POLQ: variants seen among roughly 807,000 people sequenced by gnomAD.
POLQ encodes DNA polymerase theta.
POLQ carries 233 observed loss-of-function variants against 259.2 expected under a neutral mutation model. The observed-to-expected ratio is 0.90, with a 90% CI of 0.81 to 1.00. The LOEUF (loss-of-function observed/expected upper bound fraction) is 1.00, where lower values mean the gene tolerates loss of function less well. Ranked by LOEUF, POLQ falls within the 50% of genes least tolerant of loss-of-function variation. The pLI is 0.00. For missense variants in POLQ, 2,871 were observed against 3,051.6 expected (o/e 0.94, Z 1.39); for synonymous variants, 1,025 against 1,048.8 (o/e 0.98, Z 0.44).
In POLQ at chr3:121,487,181, G is replaced by A. The variant is rs2048018714; in HGVS notation, c.5629+121C>T. 55 of 592,080 alleles carry A rather than the reference G, an allele frequency of 9.3e-5. 1 individual carries two copies. The South Asian group carries it at 1.4e-3, about 15-fold the overall frequency. The allele number at this position is 592,080 out of a possible 1,614,324, so 36.7% of individuals were successfully genotyped here. ...CTGTTCTACACATAAATCCACAGAGGAGATACATACTACAACTTGAATAGA... is the reference window on the plus strand; with the variant it reads ...CTGTTCTACACATAAATCCACAGAGAAGATACATACTACAACTTGAATAGA... On this transcript the variant is annotated intron_variant, in intron 16 of 29. Coordinates refer to ENST00000264233, the MANE Select transcript of POLQ (RefSeq NM_199420.4).
intron 6 of POLQ, among the ~76,000 whole-genome samples, chr3:121,530,820 C>G (rs754183021): frequency 6.6e-6 from 1 of 151,988 alleles, no homozygotes; most frequent in Non-Finnish European, 1.5e-5. Context: ...GATGGAGCTG[C>G]GAACAAAGCA....
intron 10 of POLQ, 63 bp from the exon 11 acceptor site, chr3:121,510,306 G>A (rs1403555950): frequency 3.0e-5 from 36 of 1,203,820 alleles, no homozygotes; most frequent in African/African-American, 1.4e-4. Flanking sequence ...CACCGGGCGC[G>A]GTGGCTCATG....
chr3:121,480,499 T>C (rs1267417998), intron 19 of POLQ, among the ~76,000 whole-genome samples: 1 of 152,086 alleles, frequency 6.6e-6, no homozygotes, highest in Non-Finnish European at 1.5e-5. Context: ...CCACCCTTTT[T>C]TTTTTGAGAT....
intron 26 of POLQ, among the ~76,000 whole-genome samples, chr3:121,447,745 G>A (rs1159878110): frequency 6.6e-6 from 1 of 152,126 alleles, no homozygotes; most frequent in Non-Finnish European, 1.5e-5. Flanking sequence ...TGGTGTTGAT[G>A]AAATCCCTCA....
chr3:121,495,867 A>G (rs1278027085), intron 14 of POLQ, among the ~76,000 whole-genome samples: 2 of 150,770 alleles, frequency 1.3e-5, no homozygotes, highest in Non-Finnish European at 3.0e-5. Flanking sequence ...AAAAAAAAAA[A>G]AAAAAGAGTG....
At chr3:121,523,619 G>A (rs2048353452) in intron 7 of POLQ, among the ~76,000 whole-genome samples, 1 of 152,146 alleles carries the variant, frequency 6.6e-6, no homozygotes, top group African/African-American at 2.4e-5. Context: ...GGAGGCTGAA[G>A]TGGGAGGATC....
At chr3:121,440,932 TAAAAA>T (rs958548496) in intron 26 of POLQ, among the ~76,000 whole-genome samples, 1 of 148,582 alleles carries the variant, frequency 6.7e-6, no homozygotes, top group Admixed American at 6.7e-5. Context: ...CTTCTTAAAA[TAAAAA>T]AAAAACTATG....
intron 9 of POLQ, among the ~76,000 whole-genome samples, chr3:121,519,351 C>T (rs2048320135): frequency 8.5e-6 from 1 of 117,700 alleles, no homozygotes; most frequent in Non-Finnish European, 1.7e-5. Flanking sequence ...AGAAAATCAA[C>T]AGTTGATGAT....
In POLQ at chr3:121,472,188, A is replaced by G. The variant is rs760568759; in HGVS notation, c.6544-24T>C. The stretch of plus-strand genomic sequence containing the variant: ...TCCTGCCAAAAAAATATAAGGTAAG[A>G]TTGAATTCTTGTCCAAATTCCACAG... On this transcript the variant is annotated intron_variant, in intron 21 of 29. Coordinates refer to ENST00000264233, the MANE Select transcript of POLQ (RefSeq NM_199420.4). The G allele has an allele frequency of 5.0e-6, 6 of 1,193,860 alleles. No homozygotes were observed. In the South Asian group the frequency reaches 1.1e-4, roughly 22 times the overall value. 74.0% of individuals were successfully genotyped at this position (1,193,860 alleles called of 1,614,324 possible). A position where few individuals can be genotyped will look rare whatever the true frequency, so the allele number is the denominator to read the frequency against.
At chr3:121,455,499 GAAGAA>G (rs1307742636) in intron 25 of POLQ, among the ~76,000 whole-genome samples, 2 of 142,950 alleles carry the variant, frequency 1.4e-5, no homozygotes, top group South Asian at 2.4e-4. Context: ...GACTAATAAA[GAAGAA>G]AAGAGAGAAG....
At chr3:121,453,372 G>A (rs924923066) in intron 25 of POLQ, among the ~76,000 whole-genome samples, 8 of 152,200 alleles carry the variant, frequency 5.3e-5, no homozygotes, top group African/African-American at 1.7e-4. Flanking sequence ...CACCAGCAAC[G>A]GAACAAAGCT....
intron 26 of POLQ, among the ~76,000 whole-genome samples, chr3:121,447,017 T>C (rs768059790): frequency 6.6e-6 from 1 of 151,774 alleles, no homozygotes; most frequent in Non-Finnish European, 1.5e-5. Context: ...CATGGTTTTT[T>C]TTCTCTTTCT....
At chr3:121,536,974 C>T in intron 5 of POLQ, 126 bp downstream of exon 5, 1 of 636,050 alleles carries the variant, frequency 1.6e-6, no homozygotes, top group South Asian at 2.0e-5. Flanking sequence ...AACTACTATA[C>T]ATAAGTTTTC....
chr3:121,478,058 T>C lies in POLQ; in HGVS notation c.6212-1325A>G, dbSNP rs1481670347. Among the ~76,000 whole-genome samples the C allele has an allele frequency of 4.6e-5, 7 of 152,238 alleles. No homozygotes were observed. In the South Asian group the frequency reaches 8.3e-4, roughly 18 times the overall value. ...GTGGCAGGAAGCTAGCCTGCATCCATAGCCATTAGGAAGGAGCAAGGTCGT... is the reference window on the plus strand; with the variant it reads ...GTGGCAGGAAGCTAGCCTGCATCCACAGCCATTAGGAAGGAGCAAGGTCGT... On this transcript the variant is annotated intron_variant, in intron 19 of 29. Transcript: ENST00000264233.
chr3:121,534,145 G>T (rs2048432783), intron 5 of POLQ, among the ~76,000 whole-genome samples: 1 of 152,074 alleles, frequency 6.6e-6, no homozygotes, highest in Admixed American at 6.5e-5. Flanking sequence ...CAAAGTGTTG[G>T]AATTACAGGC....
intron 7 of POLQ, among the ~76,000 whole-genome samples, chr3:121,524,937 T>TACACAC (rs33965431): frequency 0.032 from 4,829 of 148,614 alleles, 107 homozygotes; most frequent in Middle Eastern, 0.075. Flanking sequence ...TGTGTATAAA[T>TACACAC]ACACACACAC....
intron 9 of POLQ, among the ~76,000 whole-genome samples, chr3:121,514,457 A>T (rs548452221): frequency 2.2e-4 from 34 of 152,068 alleles, no homozygotes; most frequent in Non-Finnish European, 3.7e-4. Context: ...TAGTAAGATA[A>T]ACTATCTCAC....
chr3:121,515,825 G>C (rs910317863), intron 9 of POLQ, among the ~76,000 whole-genome samples: 1 of 151,866 alleles, frequency 6.6e-6, no homozygotes, highest in Non-Finnish European at 1.5e-5. Flanking sequence ...CTCCAACAAT[G>C]AACCCTAAAG....
Position 121,533,007 on chromosome 3 carries a change from G to A in POLQ, c.943C>T (p.Pro315Ser). 1 of 1,606,838 alleles carries A rather than the reference G, an allele frequency of 6.2e-7. No individual in the cohort carries two copies. The highest frequency in any genetic ancestry group is 8.5e-7 in the Non-Finnish European group (1 of 1,174,286). ...SSMKLVREFE[P>S]MLQVKGDEDH... The stretch of plus-strand genomic sequence containing the variant: ...TGATTTACCTTCACTTGTAGCATGG[G>A]CTCAAATTCCCTCACAAGTTTCATT... Residue 315 changes from proline to serine, a missense_variant, in exon 6 of 30, where the codon CCC (proline) becomes TCC (serine). This residue lies in a region of POLQ where 783 missense variants were observed against 906.2 expected (regional missense o/e 0.86). Transcript: ENST00000264233.
Sources: allele counts gnomAD v4.1 joint callset (sites outside exome capture counted in the v4.1 genomes callset), GRCh38; gene constraint gnomAD v4.1.1; regional missense constraint gnomAD v4.1.1; transcripts MANE v1.5; gene names NCBI Gene and HGNC (gene_info 2026-07-23, HGNC 2026-07-21).